The following DCAF1 variants were observed in gnomAD, a reference collection of about 807,000 sequenced individuals.
DCAF1 encodes the protein DDB1- and CUL4-associated factor 1.
Under a neutral mutation model 128.0 loss-of-function variants are expected in DCAF1, and 15 were observed. That is an observed-to-expected ratio of 0.12 (90% confidence interval 0.08 to 0.18). The LOEUF (loss-of-function observed/expected upper bound fraction) is 0.18. DCAF1 is among the 10% of genes least tolerant of loss of function. The pLI, the probability that DCAF1 is intolerant of heterozygous loss-of-function variation, is 1.00. For missense variants in DCAF1, 988 were observed against 1,649.5 expected (o/e 0.60, Z 6.95); for synonymous variants, 610 against 603.0 (o/e 1.01, Z -0.17).
intron 3 of DCAF1, among the ~76,000 whole-genome samples, chr3:51,480,104 TAAAA>T (rs782106577): frequency 2.1e-5 from 2 of 93,150 alleles, no homozygotes; most frequent in Non-Finnish European, 2.2e-5. Flanking sequence ...ACCCTGTCAC[TAAAA>T]AAAAAAAAAA....
chr3:51,434,590 A>G (rs1361338152), intron 9 of DCAF1, among the ~76,000 whole-genome samples: 7 of 152,178 alleles, frequency 4.6e-5, no homozygotes, highest in Admixed American at 4.6e-4. Flanking sequence ...AAATAGCTCT[A>G]TATCCTAGCT....
intron 24 of DCAF1, among the ~76,000 whole-genome samples, chr3:51,402,344 C>A (rs2089765969): frequency 6.6e-6 from 1 of 151,916 alleles, no homozygotes; most frequent in Admixed American, 6.6e-5. Context: ...CTGACTGATT[C>A]TAGCCATGCC....
intron 2 of DCAF1, among the ~76,000 whole-genome samples, chr3:51,488,217 A>C (rs1309756049): frequency 2.0e-5 from 3 of 152,090 alleles, no homozygotes; most frequent in Non-Finnish European, 1.5e-5. Flanking sequence ...CTTCTCCAAA[A>C]CCTGAAGAGG....
rs1401945567 is a variant in DCAF1 at position 51,446,490 on chromosome 3, G to GCCCA, written c.376-2588_376-2587insTGGG. 5.9e-5 allele frequency among the ~76,000 whole-genome samples: 9 copies of GCCCA among 152,110 alleles called. No homozygotes were observed. In the South Asian group the frequency reaches 1.0e-3, roughly 18 times the overall value. ...AAAACAAAATTTAAAAATTAGCTGGGCGTGGTGGTGGACTCCTATAGTTCA... is the reference window on the plus strand; with the variant it reads ...AAAACAAAATTTAAAAATTAGCTGGGCCCACGTGGTGGTGGACTCCTATAGTTCA... On this transcript the variant is annotated intron_variant, in intron 6 of 24. Coordinates refer to ENST00000684031, the MANE Select transcript of DCAF1 (RefSeq NM_001387579.1).
chr3:51,469,594 C>G (rs1704514776), intron 4 of DCAF1, among the ~76,000 whole-genome samples: 1 of 152,060 alleles, frequency 6.6e-6, no homozygotes, highest in Non-Finnish European at 1.5e-5. Context: ...TACTATGGGC[C>G]CATGCATGAC....
chr3:51,486,972 TTTC>T lies in DCAF1; in HGVS notation c.-8-3139_-8-3137del, dbSNP rs551728237. On this transcript the variant is annotated intron_variant, in intron 2 of 24. Coordinates refer to ENST00000684031, the MANE Select transcript of DCAF1 (RefSeq NM_001387579.1). ...TTAAAACAAACTTTTTTTCTTTTCTTTTCTTTTTTTTTTTAAGACAGAGTCACA... is the reference window on the plus strand; with the variant it reads ...TTAAAACAAACTTTTTTTCTTTTCTTTTTTTTTTTTTAAGACAGAGTCACA... Among the ~76,000 whole-genome samples the T allele has an allele frequency of 6.3e-3, 930 of 147,046 alleles. 5 individuals carry two copies. The highest frequency in any genetic ancestry group is 0.01 in the Non-Finnish European group (700 of 66,794).
At chr3:51,431,258 C>T (rs1358774400) in intron 10 of DCAF1, among the ~76,000 whole-genome samples, 1 of 151,916 alleles carries the variant, frequency 6.6e-6, no homozygotes, top group Non-Finnish European at 1.5e-5. Context: ...TGGCTTATGA[C>T]TGTAATCCCA....
At chr3:51,432,256 G>A (rs1378040114) in intron 10 of DCAF1, among the ~76,000 whole-genome samples, 2 of 100,438 alleles carry the variant, frequency 2.0e-5, no homozygotes, top group African/African-American at 3.9e-5. Flanking sequence ...GGGAGACAGA[G>A]CAAGATTCTG....
intron 23 of DCAF1, among the ~76,000 whole-genome samples, chr3:51,406,170 C>A (rs549289486): frequency 6.6e-6 from 1 of 151,612 alleles, no homozygotes; most frequent in South Asian, 2.1e-4. Context: ...AGTGAAACCC[C>A]GTCTCTATTA....
rs368769923 is a variant in DCAF1 at position 51,420,082 on chromosome 3, C to T, written c.2888G>A (p.Arg963Lys). The T allele has an allele frequency of 1.1e-5, 18 of 1,613,908 alleles. No individual in the cohort carries two copies. Among genetic ancestry groups the T allele is most frequent in the Admixed American group, 1.7e-5 (1 of 60,008 alleles). The stretch of plus-strand genomic sequence containing the variant: ...TTTCCTGCCATTGCAGGGTGATGGC[C>T]TCTCTCTGATAAAACTGATTCTACC... ...LIGRISFIRE[R>K]PSPCNGRKIR... is the part of the protein sequence containing the mutation. The change falls in exon 15 of 25, where the codon AGG (arginine) becomes AAG (lysine). Residue 963 changes from arginine to lysine, a missense_variant. Arg to Lys is a conservative substitution (Grantham distance 26, BLOSUM62 2). This residue lies in a region of DCAF1 where 105 missense variants were observed against 266.7 expected (regional missense o/e 0.39). Coordinates refer to ENST00000684031, the MANE Select transcript of DCAF1 (RefSeq NM_001387579.1). The surrounding 1 kb of genome is among the most constrained non-coding windows in gnomAD (Gnocchi z 6.5).
intron 6 of DCAF1, among the ~76,000 whole-genome samples, chr3:51,452,865 A>C (rs1211752816): frequency 6.6e-6 from 1 of 152,086 alleles, no homozygotes; most frequent in Non-Finnish European, 1.5e-5. Flanking sequence ...TATTTTAAAA[A>C]TTAGCCGGGC....
At chr3:51,444,008 G>T in intron 6 of DCAF1, 105 bp from the exon 7 acceptor site, 1 of 1,074,406 alleles carries the variant, frequency 9.3e-7, no homozygotes, top group Non-Finnish European at 1.3e-6. Context: ...ATATTTCAAT[G>T]TTCGTAAGAG....
At chr3:51,404,694 A>C (rs972379845) in intron 23 of DCAF1, among the ~76,000 whole-genome samples, 1 of 152,202 alleles carries the variant, frequency 6.6e-6, no homozygotes, top group Admixed American at 6.5e-5. Context: ...TTAAATACCT[A>C]GTACTCCTAA....
upstream of DCAF1, among the ~76,000 whole-genome samples, chr3:51,500,988 A>T (rs982235887): frequency 3.0e-4 from 45 of 152,016 alleles, no homozygotes; most frequent in Admixed American, 1.4e-3. Context: ...GCTAATTTTT[A>T]AAAATTTTTG....
At chr3:51,411,115 C>T (rs1698371204) in intron 23 of DCAF1, among the ~76,000 whole-genome samples, 1 of 147,892 alleles carries the variant, frequency 6.8e-6, no homozygotes, top group Admixed American at 7.0e-5. Flanking sequence ...GAGCCGAGAT[C>T]GTGCCATTAC....
At position 51,443,840 on chromosome 3, in the gene DCAF1, A is replaced by C; in HGVS notation, c.439T>G (p.Ser147Ala). Residue 147 changes from serine (S) to alanine (A), a missense_variant, in exon 7 of 25, where the codon TCT becomes GCT. Ser to Ala is a moderately conservative substitution (Grantham distance 99, BLOSUM62 1). This residue lies in a region of DCAF1 where 210 missense variants were observed against 260.2 expected (regional missense o/e 0.81). Coordinates refer to ENST00000684031, the MANE Select transcript of DCAF1 (RefSeq NM_001387579.1). ...ATAGCACCTCCTAACAGTCCAGTAG[A>C]ATATGTCCTCAATGGTTGATCGGCC... ...READQPLRTY[S>A]TGLLGGAMEN... 1.2e-6 allele frequency: 2 copies of C among 1,612,576 alleles called. No individual in the cohort carries two copies. The highest frequency in any genetic ancestry group is 1.7e-6 in the Non-Finnish European group (2 of 1,179,588).
Position 51,433,159 on chromosome 3 carries a change from C to T in DCAF1, c.1234G>A (p.Gly412Ser), listed in dbSNP as rs2107585933. The T allele has an allele frequency of 2.5e-6, 1 of 398,490 alleles. No individual in the cohort carries two copies. 24.7% of individuals were successfully genotyped at this position (398,490 alleles called of 1,614,324 possible). ...AGGTAATACAAACACATAGACACAC[C>T]GGTTGCAGCCATAGAAGGACGAGGT... ...EIPRPSMAAT[G>S]VSMCLYYLSY... Residue 412 changes from glycine (G) to serine (S), a missense_variant, in exon 10 of 25, where the codon GGT becomes AGT. By Grantham distance (56) the Gly-to-Ser change is moderately conservative (BLOSUM62 0). Around this residue, in one of 11 missense-constraint regions of DCAF1, gnomAD observed 185 missense variants for 248.1 expected, o/e 0.75. Coordinates refer to ENST00000684031, the MANE Select transcript of DCAF1 (RefSeq NM_001387579.1).
intron 3 of DCAF1, among the ~76,000 whole-genome samples, chr3:51,482,764 CAA>C (rs797042469): frequency 2.0e-4 from 6 of 29,978 alleles, no homozygotes; most frequent in Non-Finnish European, 1.5e-4. Flanking sequence ...CACTCCATCT[CAA>C]AAAAAAAAAA....
intron 3 of DCAF1, among the ~76,000 whole-genome samples, chr3:51,475,787 G>A (rs915855645): frequency 2.8e-4 from 43 of 152,202 alleles, no homozygotes; most frequent in African/African-American, 1.0e-3. Context: ...CGTGAACCCA[G>A]GAGGCGGAGC....
Sources: gnomAD v4.1 joint callset for allele counts (sites outside exome capture counted in the v4.1 genomes callset) on GRCh38, gnomAD v4.1.1 for gene constraint, gnomAD v4.1.1 regional missense constraint, Gnocchi (gnomAD v3.1) non-coding constraint, MANE v1.5 for transcripts, NCBI Gene and HGNC (gene_info 2026-07-23, HGNC 2026-07-21) for gene names.